Variants in GIT2 observed in about 807,000 individuals in gnomAD.
GIT2 encodes the protein GIT ArfGAP 2.
In GIT2, 32 loss-of-function variants were observed where a neutral mutation model predicts 100.3. The ratio of observed to expected loss-of-function variants is 0.32; its 90% confidence interval spans 0.24 to 0.43. The LOEUF is 0.43. Ranked by LOEUF, GIT2 falls within the 20% of genes least tolerant of loss-of-function variation. GIT2 has a pLI of 1.00. For missense variants in GIT2, 737 were observed against 975.1 expected, an observed-to-expected ratio of 0.76 and a Z score of 3.25; for synonymous variants, 353 against 364.1, an observed-to-expected ratio of 0.97 and a Z score of 0.35.
Position 109,932,974 on chromosome 12 carries a change from C to T in GIT2, c.*4G>A. On this transcript the variant is annotated 3_prime_UTR_variant, in exon 20 of 20. Coordinates refer to ENST00000355312, the MANE Select transcript of GIT2 (RefSeq NM_057169.5). The stretch of plus-strand genomic sequence containing the variant: ...AAAACAGAGGAGGCGGTGCCCTGCC[C>T]TTGTCAGTTGTTGTTCTCTTTGGTG... The T allele has an allele frequency of 6.3e-7, 1 of 1,577,084 alleles. No individual in the cohort carries two copies. Among genetic ancestry groups the T allele is most frequent in the South Asian group, 1.1e-5 (1 of 90,284 alleles).
In GIT2 at chr12:109,932,157, G is replaced by A. The variant is rs1871760230; in HGVS notation, c.*821C>T. On this transcript the variant is annotated 3_prime_UTR_variant, in exon 20 of 20. Coordinates refer to ENST00000355312, the MANE Select transcript of GIT2 (RefSeq NM_057169.5). ...AAAATGAGTTCTGGCTTGTTAGACT[G>A]ATGCTTCTCTTTGCTGCAGGTTTTG... 6.6e-6 allele frequency: 1 copy of A among 152,278 alleles called. No homozygotes were observed. The highest frequency in any genetic ancestry group is 2.4e-5 in the African/African-American group (1 of 41,458). 9.4% of individuals were successfully genotyped at this position (152,278 alleles called of 1,614,324 possible). A position where few individuals can be genotyped will look rare whatever the true frequency, so the allele number is the denominator to read the frequency against.
intron 16 of GIT2, chr12:109,939,761 C>T (rs534909111): frequency 4.6e-5 from 7 of 152,026 alleles, no homozygotes; most frequent in African/African-American, 1.7e-4. Context: ...AACCTGTAGT[C>T]CCAGCTCCTC....
intron 1 of GIT2, among the ~76,000 whole-genome samples, chr12:109,993,967 A>G (rs952433651): frequency 1.3e-5 from 2 of 150,838 alleles, no homozygotes; most frequent in African/African-American, 4.9e-5. Context: ...CTCTGTCGCT[A>G]TTACTGTATC....
chr12:109,992,426 C>A (rs1888596158), intron 1 of GIT2, among the ~76,000 whole-genome samples: 1 of 152,008 alleles, frequency 6.6e-6, no homozygotes, highest in East Asian at 1.9e-4. Context: ...AGATTACAGG[C>A]GTGAGCCACT....
chr12:109,935,125 C>A (rs1048606482), intron 18 of GIT2, among the ~76,000 whole-genome samples: 1 of 151,768 alleles, frequency 6.6e-6, no homozygotes, highest in African/African-American at 2.4e-5. Context: ...CATTACATTT[C>A]AAGAAAATGG....
rs1169401244 is a variant in GIT2 at position 109,948,495 on chromosome 12, G to A, written c.1393-991C>T. On this transcript the variant is annotated intron_variant, in intron 14 of 19. Transcript: ENST00000355312. This position sits in a 1 kb window ranked among gnomAD's most constrained non-coding sequence, Gnocchi z 4.3. ...AGAGTTAAGGGGTCAGCAGGGAATC[G>A]TGTTACTCTTTGGCATCTGGCATTT... The A allele has an allele frequency of 4.2e-6, 5 of 1,199,556 alleles. No homozygotes were observed. The highest frequency in any genetic ancestry group is 2.4e-5 in the South Asian group (1 of 41,016). The allele number at this position is 1,199,556 out of a possible 1,614,324, so 74.3% of individuals were successfully genotyped here.
At position 109,962,656 on chromosome 12, in the gene GIT2, A is replaced by T. The variant is rs1881374213; in HGVS notation, c.817-971T>A. ...CGCCTCTCTCTGCACTTTCTGCCTC[A>T]TGCAACACCTTGACACGTGGTAGTT... On this transcript the variant is annotated intron_variant, in intron 9 of 19. Coordinates refer to ENST00000355312, the MANE Select transcript of GIT2 (RefSeq NM_057169.5). This position sits in a 1 kb window ranked among gnomAD's most constrained non-coding sequence, Gnocchi z 4.3. Among the ~76,000 whole-genome samples, 2 of 152,234 alleles carry T rather than the reference A, an allele frequency of 1.3e-5. No individual in the cohort carries two copies. The highest frequency in any genetic ancestry group is 6.5e-5 in the Admixed American group (1 of 15,284).
At chr12:109,973,652 C>T (rs551873548) in intron 7 of GIT2, among the ~76,000 whole-genome samples, 4 of 151,888 alleles carry the variant, frequency 2.6e-5, no homozygotes, top group Admixed American at 2.6e-4. Context: ...CTTTCAGTTT[C>T]ATTGATTTCT....
At chr12:109,999,547 C>T (rs929269753), upstream of GIT2, 4 of 550,458 alleles carry the variant, frequency 7.3e-6, no homozygotes, top group African/African-American at 2.0e-5. The surrounding 1 kb of genome is among the most constrained non-coding windows in gnomAD (Gnocchi z 4.3). Flanking sequence ...GCCCCGCACC[C>T]GACCGGCTCA....
rs181219678 is a variant in GIT2, at chr12:109,945,403, T to A, written c.1642-54A>T. The A allele has an allele frequency of 1.8e-3, 1,538 of 862,170 alleles. 6 individuals carry two copies. The highest frequency in any genetic ancestry group is 0.011 in the East Asian group (412 of 38,692). 53.4% of individuals were successfully genotyped at this position (862,170 alleles called of 1,614,324 possible). Reference sequence around the variant, plus strand: ...GAAAATACAAAACAAACCAAAAACCTACCACCTTGCCAGCTTCAGTAAAAG... The same window carrying A: ...GAAAATACAAAACAAACCAAAAACCAACCACCTTGCCAGCTTCAGTAAAAG... On this transcript the variant is annotated intron_variant, in intron 15 of 19. Coordinates refer to ENST00000355312, the MANE Select transcript of GIT2 (RefSeq NM_057169.5).
At chr12:109,963,207 A>G (rs1881496594) in intron 9 of GIT2, among the ~76,000 whole-genome samples, 1 of 152,232 alleles carries the variant, frequency 6.6e-6, no homozygotes, top group Non-Finnish European at 1.5e-5. Flanking sequence ...CATTAAGAGT[A>G]TAGCAATGAG....
intron 18 of GIT2, among the ~76,000 whole-genome samples, chr12:109,936,179 T>C (rs2136138925): frequency 6.6e-6 from 1 of 151,722 alleles, no homozygotes; most frequent in South Asian, 2.1e-4. Flanking sequence ...TTATGAAATA[T>C]AAATTCTCTA....
intron 18 of GIT2, among the ~76,000 whole-genome samples, chr12:109,935,643 G>T (rs1383044903): frequency 6.6e-6 from 1 of 152,204 alleles, no homozygotes; most frequent in African/African-American, 2.4e-5. Context: ...TGATCCACCC[G>T]CCTTGGCCTC....
intron 7 of GIT2, among the ~76,000 whole-genome samples, chr12:109,980,187 C>T (rs757013460): frequency 3.9e-5 from 6 of 151,982 alleles, no homozygotes; most frequent in Non-Finnish European, 8.8e-5. Flanking sequence ...CCCAGTCTCC[C>T]AAGTACGTGG....
rs1394562000 is a variant in GIT2, at chr12:109,962,416, A to G, written c.817-731T>C. On this transcript the variant is annotated intron_variant, in intron 9 of 19. Transcript: ENST00000355312. This position sits in a 1 kb window ranked among gnomAD's most constrained non-coding sequence, Gnocchi z 4.3. ...AGAGGATAAAATGTGCCCTTGCACAAAAACGTGACTCAGACCTCAGCTGAG... is the reference window on the plus strand; with the variant it reads ...AGAGGATAAAATGTGCCCTTGCACAGAAACGTGACTCAGACCTCAGCTGAG... Among the ~76,000 whole-genome samples, 3 of 152,240 alleles carry G rather than the reference A, an allele frequency of 2.0e-5. No individual in the cohort carries two copies. Among genetic ancestry groups the G allele is most frequent in the African/African-American group, 7.2e-5 (3 of 41,468 alleles).
chr12:109,994,623 T>C (rs1411000227), intron 1 of GIT2, among the ~76,000 whole-genome samples: 1 of 152,174 alleles, frequency 6.6e-6, no homozygotes, highest in East Asian at 1.9e-4. Context: ...AGCGATACAA[T>C]GGAAGAGAAA....
At chr12:109,960,872 T>G (rs1483720884) in intron 11 of GIT2, among the ~76,000 whole-genome samples, 1 of 152,240 alleles carries the variant, frequency 6.6e-6, no homozygotes, top group Non-Finnish European at 1.5e-5. Context: ...CAAATTGCTT[T>G]TCTAACATCT....
intron 14 of GIT2, among the ~76,000 whole-genome samples, chr12:109,949,989 G>T (rs568308990): frequency 6.6e-6 from 1 of 152,234 alleles, no homozygotes; most frequent in Non-Finnish European, 1.5e-5. Flanking sequence ...CCTAGACAGG[G>T]CTGGGAGACA....
intron 11 of GIT2, among the ~76,000 whole-genome samples, chr12:109,960,828 T>C (rs1880875077): frequency 6.6e-6 from 1 of 152,220 alleles, no homozygotes; most frequent in East Asian, 1.9e-4. Flanking sequence ...TGTAAAAGGA[T>C]GTACTTAATT....
Sources: allele counts gnomAD v4.1 joint callset (sites outside exome capture counted in the v4.1 genomes callset), GRCh38; gene constraint gnomAD v4.1.1; non-coding constraint Gnocchi (gnomAD v3.1); transcripts MANE v1.5; gene names NCBI Gene and HGNC (gene_info 2026-07-23, HGNC 2026-07-21).